The following LRRC4C variants were observed in gnomAD, a reference collection of about 807,000 sequenced individuals.
LRRC4C encodes leucine rich repeat containing 4C.
Under a neutral mutation model 33.6 loss-of-function variants are expected in LRRC4C, and 5 were observed. That is an observed-to-expected ratio of 0.15 (90% CI 0.08 to 0.31). The LOEUF (loss-of-function observed/expected upper bound fraction) is 0.31, where lower values mean the gene tolerates loss of function less well. LRRC4C is among the 10% of genes least tolerant of loss of function. LRRC4C has a pLI of 1.00. For synonymous variants in LRRC4C, 329 were observed against 302.0 expected, an observed-to-expected ratio of 1.09 and a Z score of -0.93; for missense variants, 560 against 796.7, an observed-to-expected ratio of 0.70 and a Z score of 3.58.
chr11:41,065,623 G>A (rs1038689323), intron 1 of LRRC4C, among the ~76,000 whole-genome samples: 3 of 152,176 alleles, frequency 2.0e-5, no homozygotes. Context: ...GACAAGGAGA[G>A]GCCTCCCAAC....
intron 5 of LRRC4C, among the ~76,000 whole-genome samples, chr11:40,220,303 A>T (rs2135919423): frequency 6.6e-6 from 1 of 152,308 alleles, no homozygotes; most frequent in South Asian, 2.1e-4. Context: ...AACTGTCATG[A>T]AAGTTTTAGA....
At position 40,496,360 on chromosome 11, in the gene LRRC4C, A is replaced by G. The variant is rs548238599; in HGVS notation, c.-270+151782T>C. 4.6e-5 allele frequency among the ~76,000 whole-genome samples: 7 copies of G among 152,258 alleles called. No homozygotes were observed. In the South Asian group the frequency reaches 1.0e-3, roughly 23 times the overall value. On this transcript the variant is annotated intron_variant, in intron 3 of 6. Coordinates refer to ENST00000528697, the MANE Select transcript of LRRC4C (RefSeq NM_001258419.2). Reference sequence around the variant, plus strand: ...ATATATATTTAAGGCGTATAAAGTGATATTTTGATACACTTGTACATTGTG... The same window carrying G: ...ATATATATTTAAGGCGTATAAAGTGGTATTTTGATACACTTGTACATTGTG...
intron 4 of LRRC4C, among the ~76,000 whole-genome samples, chr11:40,300,532 G>C (rs1460271576): frequency 6.6e-6 from 1 of 152,172 alleles, no homozygotes; most frequent in Non-Finnish European, 1.5e-5. Flanking sequence ...AAAGAGTCCA[G>C]CTTTTGAAAT....
At position 40,760,412 on chromosome 11, in the gene LRRC4C, C is replaced by CAA. The variant is rs35336371; in HGVS notation, c.-406-112136_-406-112135dup. On this transcript the variant is annotated intron_variant, in intron 2 of 6. Coordinates refer to ENST00000528697, the MANE Select transcript of LRRC4C (RefSeq NM_001258419.2). ...AAATATTTACTATTTGGTCCTTTAC[C>CAA]AAAAAAAAAAAAAAAGTTTGCTGAC... 2.6e-3 allele frequency among the ~76,000 whole-genome samples: 358 copies of CAA among 136,134 alleles called. 3 individuals carry two copies. The highest frequency in any genetic ancestry group is 3.9e-3 in the Non-Finnish European group (251 of 63,628). The allele number at this position is 136,134 out of a possible 152,430, so 89.3% of individuals were successfully genotyped here.
At position 40,585,997 on chromosome 11, in the gene LRRC4C, A is replaced by G. The variant is rs1223769382; in HGVS notation, c.-270+62145T>C. The stretch of plus-strand genomic sequence containing the variant: ...CTTTGGGTATATACCCAGTAATGGG[A>G]TGGCTGGCTCAAATGGTATTTCTAG... On this transcript the variant is annotated intron_variant, in intron 3 of 6. Transcript: ENST00000528697. Among the ~76,000 whole-genome samples, 5 of 135,558 alleles carry G rather than the reference A, an allele frequency of 3.7e-5. 1 individual carries two copies. Among genetic ancestry groups the G allele is most frequent in the African/African-American group, 1.4e-4 (5 of 35,274 alleles). The allele number at this position is 135,558 out of a possible 152,430, so 88.9% of individuals were successfully genotyped here. A position where few individuals can be genotyped will look rare whatever the true frequency, so the allele number is the denominator to read the frequency against.
At chr11:40,436,276 C>A (rs953248322) in intron 3 of LRRC4C, among the ~76,000 whole-genome samples, 1 of 152,040 alleles carries the variant, frequency 6.6e-6, no homozygotes, top group Non-Finnish European at 1.5e-5. Context: ...TTTGGGAAGC[C>A]CCAGAGAGGG....
chr11:41,349,503 G>A lies in LRRC4C; in HGVS notation c.-496+109928C>T, dbSNP rs376732903. On this transcript the variant is annotated intron_variant, in intron 1 of 6. Coordinates refer to ENST00000528697, the MANE Select transcript of LRRC4C (RefSeq NM_001258419.2). ...AAAAAAACAACAACAAAAAACATGG[G>A]CCTGGTTTCAGCCCCTCAGGGTTCG... Among the ~76,000 whole-genome samples the A allele has an allele frequency of 1.2e-4, 18 of 151,644 alleles. No homozygotes were observed. In the South Asian group the frequency reaches 3.7e-3, roughly 32 times the overall value.
intron 1 of LRRC4C, among the ~76,000 whole-genome samples, chr11:41,413,457 G>A (rs1187417585): frequency 6.6e-6 from 1 of 152,148 alleles, no homozygotes; most frequent in Non-Finnish European, 1.5e-5. Flanking sequence ...TTGTTGTTGT[G>A]ATTAAAATTA....
intron 3 of LRRC4C, among the ~76,000 whole-genome samples, chr11:40,570,341 G>A (rs1349861841): frequency 6.6e-6 from 1 of 152,074 alleles, no homozygotes; most frequent in African/African-American, 2.4e-5. Flanking sequence ...AGCGTTCTCT[G>A]GGTGGAGGAC....
chr11:41,139,642 C>T (rs1943416000), intron 1 of LRRC4C, among the ~76,000 whole-genome samples: 2 of 152,164 alleles, frequency 1.3e-5, no homozygotes, highest in South Asian at 4.1e-4. Context: ...ATTTAACCAG[C>T]ACAATCCTCA....
intron 1 of LRRC4C, among the ~76,000 whole-genome samples, chr11:41,077,697 C>T (rs1392506447): frequency 6.6e-6 from 1 of 152,156 alleles, no homozygotes; most frequent in Non-Finnish European, 1.5e-5. Context: ...AGACATTTTC[C>T]CTGTTGTCTT....
chr11:40,117,499 T>C (rs1216772113), intron 6 of LRRC4C, among the ~76,000 whole-genome samples: 2 of 152,224 alleles, frequency 1.3e-5, no homozygotes, highest in African/African-American at 4.8e-5. Flanking sequence ...CTTACTGGTT[T>C]TGAGTAGATT....
At chr11:40,478,110 G>A (rs1273696877) in intron 3 of LRRC4C, among the ~76,000 whole-genome samples, 1 of 152,110 alleles carries the variant, frequency 6.6e-6, no homozygotes, top group Non-Finnish European at 1.5e-5. Context: ...AGTCCATTAA[G>A]TCTCTTTCTT....
At chr11:41,172,099 GC>G (rs1386892839) in intron 1 of LRRC4C, among the ~76,000 whole-genome samples, 3 of 152,090 alleles carry the variant, frequency 2.0e-5, no homozygotes, top group Non-Finnish European at 4.4e-5. Flanking sequence ...ACTCAAATTA[GC>G]CTAGAGTTAA....
intron 5 of LRRC4C, among the ~76,000 whole-genome samples, chr11:40,177,759 T>C (rs987895978): frequency 3.3e-5 from 5 of 152,220 alleles, no homozygotes; most frequent in Admixed American, 6.5e-5. Context: ...GAACCATATT[T>C]TATAATTTCC....
At chr11:41,043,052 A>G (rs1590335469) in intron 1 of LRRC4C, among the ~76,000 whole-genome samples, 1 of 125,552 alleles carries the variant, frequency 8.0e-6, no homozygotes. Flanking sequence ...ATCCAAAATG[A>G]TTATACAGAA....
chr11:41,227,628 T>C (rs1947600975), intron 1 of LRRC4C, among the ~76,000 whole-genome samples: 1 of 152,116 alleles, frequency 6.6e-6, no homozygotes, highest in African/African-American at 2.4e-5. Flanking sequence ...GCCTCCCAAG[T>C]AGCTGGGACT....
At chr11:40,460,071 G>C (rs1952320206) in intron 3 of LRRC4C, among the ~76,000 whole-genome samples, 2 of 152,124 alleles carry the variant, frequency 1.3e-5, no homozygotes, top group Admixed American at 6.6e-5. Context: ...CAGTCATATT[G>C]AGAGTTAGAC....
At chr11:40,388,000 A>G (rs978931701) in intron 3 of LRRC4C, among the ~76,000 whole-genome samples, 12 of 152,140 alleles carry the variant, frequency 7.9e-5, no homozygotes, top group Admixed American at 5.9e-4. Flanking sequence ...GATGAAATAT[A>G]GAAGCTCGTA....
Sources: allele counts gnomAD v4.1 joint callset (sites outside exome capture counted in the v4.1 genomes callset), GRCh38; gene constraint gnomAD v4.1.1; transcripts MANE v1.5; gene names NCBI Gene and HGNC (gene_info 2026-07-23, HGNC 2026-07-21).